SPG21: variants seen among roughly 807,000 people sequenced by gnomAD.
SPG21 encodes the protein maspardin.
In SPG21, 26 loss-of-function variants were observed where a neutral mutation model predicts 38.9. That is an observed-to-expected ratio of 0.67 (90% CI 0.49 to 0.93). The LOEUF is 0.93. SPG21 is among the 40% of genes least tolerant of loss of function. The pLI is 0.00. For synonymous variants in SPG21, 136 were observed against 128.9 expected (o/e 1.05, Z -0.37); for missense variants, 333 against 376.5 (o/e 0.88, Z 0.96).
Position 64,989,704 on chromosome 15 carries a change from A to T in SPG21, c.-64T>A, listed in dbSNP as rs1051121435. On this transcript the variant is annotated 5_prime_UTR_variant, in exon 1 of 9. Coordinates refer to ENST00000204566, the MANE Select transcript of SPG21 (RefSeq NM_016630.7). ...CCCACGTCCCTTCCCCTCCTTCAGG[A>T]GGCCGCTCTTCGCTCCAGTACGAGC... 6.6e-6 allele frequency: 1 copy of T among 152,604 alleles called. No homozygotes were observed. Among genetic ancestry groups the T allele is most frequent in the African/African-American group, 2.4e-5 (1 of 41,460 alleles). 9.5% of individuals were successfully genotyped at this position (152,604 alleles called of 1,614,324 possible). A position where few individuals can be genotyped will look rare whatever the true frequency, so the allele number is the denominator to read the frequency against.
intron 2 of SPG21, chr15:64,981,292 T>A: frequency 1.1e-5 from 3 of 262,612 alleles, no homozygotes; most frequent in African/African-American, 2.3e-5. Flanking sequence ...CCTCCTCCTT[T>A]TTTTTTTTTT....
Position 64,965,359 on chromosome 15 carries a change from T to C in SPG21, c.771A>G (p.Pro257=). 3 of 1,614,178 alleles carry C rather than the reference T, an allele frequency of 1.9e-6. No homozygotes were observed. Among genetic ancestry groups the C allele is most frequent in the Non-Finnish European group, 2.5e-6 (3 of 1,180,052 alleles). Residue 257 remains proline (P), a synonymous_variant, in exon 8 of 9, where the codon CCA becomes CCG. Transcript: ENST00000204566. The part of the protein sequence containing the change: ...RAHLKTGGNF[P]YLCRSAEVNL... ...TGACCTCTGCACTTCTGCACAGGTA[T>C]GGGAAATTGCCTCCTGTTTTCAGAT...
intron 1 of SPG21, chr15:64,988,943 C>T (rs2140460763): frequency 6.8e-6 from 1 of 147,444 alleles, no homozygotes; most frequent in East Asian, 2.0e-4. Flanking sequence ...GATGGCGCCA[C>T]TGCACTCCAG....
intron 2 of SPG21, 189 bp downstream of exon 2, chr15:64,983,316 TCA>T: frequency 2.2e-6 from 1 of 447,990 alleles, no homozygotes; most frequent in Non-Finnish European, 4.1e-6. Context: ...ACACTTGCTT[TCA>T]CTCTAAAATG....
Position 64,965,334 on chromosome 15 carries a change from T to G in SPG21, c.796A>C (p.Asn266His). The G allele has an allele frequency of 6.2e-7, 1 of 1,614,216 alleles. No individual in the cohort carries two copies. Among genetic ancestry groups the G allele is most frequent in the Non-Finnish European group, 8.5e-7 (1 of 1,180,034 alleles). Residue 266 changes from asparagine (N) to histidine (H), a missense_variant, in exon 8 of 9, where the codon AAT becomes CAT. Transcript: ENST00000204566. ...FPYLCRSAEV[N>H]LYVQIHLLQF... ...CTAGGCCTTACCTGTACATAAAGAT[T>G]GACCTCTGCACTTCTGCACAGGTAT... is the stretch of plus-strand genomic sequence containing the variant.
Position 64,974,630 on chromosome 15 carries a change from T to G in SPG21, c.424A>C (p.Ile142Leu), listed in dbSNP as rs768055884. 4.3e-6 allele frequency: 7 copies of G among 1,614,076 alleles called. No homozygotes were observed. Among genetic ancestry groups the G allele is most frequent in the Non-Finnish European group, 5.9e-6 (7 of 1,180,046 alleles). Reference sequence around the variant, plus strand: ...TTTGCAGTCCAAGTTTGGTTGAAGATAGAGGTGTCACTGAAGGAATTGCAG... The same window carrying G: ...TTTGCAGTCCAAGTTTGGTTGAAGAGAGAGGTGTCACTGAAGGAATTGCAG... ...ILCNSFSDTSIFNQTWTANSF... is the reference protein window; with the variant it reads ...ILCNSFSDTSLFNQTWTANSF... The change falls in exon 5 of 9, where the codon ATC becomes CTC. Residue 142 changes from isoleucine (I) to leucine (L), a missense_variant. By Grantham distance (5) the Ile-to-Leu change is conservative (BLOSUM62 2). Transcript: ENST00000204566.
At chr15:64,983,289 T>TA (rs71447830) in intron 2 of SPG21, 3 of 279,372 alleles carry the variant, frequency 1.1e-5, no homozygotes, top group Non-Finnish European at 2.1e-5. Flanking sequence ...AATAAATAAA[T>TA]AAAAATGAGT....
intron 1 of SPG21, among the ~76,000 whole-genome samples, chr15:64,985,066 A>G (rs1227847418): frequency 1.3e-5 from 2 of 152,208 alleles, no homozygotes; most frequent in African/African-American, 4.8e-5. Context: ...AGTTCTTAAT[A>G]CAAAATACAG....
chr15:64,973,894 A>C (rs2085722456), intron 5 of SPG21, among the ~76,000 whole-genome samples: 1 of 152,258 alleles, frequency 6.6e-6, no homozygotes, highest in African/African-American at 2.4e-5. Flanking sequence ...GAAAAAACCC[A>C]GTAATTTGTA....
intron 5 of SPG21, among the ~76,000 whole-genome samples, chr15:64,970,658 C>A (rs1566925739): frequency 6.6e-6 from 1 of 152,144 alleles, no homozygotes; most frequent in Non-Finnish European, 1.5e-5. Context: ...AGCTATTGCA[C>A]CTCCCCAAAT....
chr15:64,976,716 T>A (rs1458527041), intron 3 of SPG21, among the ~76,000 whole-genome samples, 161 bp from the exon 4 acceptor site: 1 of 152,200 alleles, frequency 6.6e-6, no homozygotes, highest in Non-Finnish European at 1.5e-5. Context: ...TTTACTAAAC[T>A]TCATATTTCA....
chr15:64,974,736 A>G lies in SPG21; in HGVS notation c.318T>C (p.Phe106=), dbSNP rs147236778. Residue 106 remains phenylalanine (F), a synonymous_variant, in exon 5 of 9, where the codon TTT becomes TTC. Transcript: ENST00000204566. ...DHLQLDKVHL[F]GASLGGFLAQ... ...CCAAAAAGCCTCCCAAAGAAGCGCCAAAAAGATGAACCTAATTATAAACAA... is the reference window on the plus strand; with the variant it reads ...CCAAAAAGCCTCCCAAAGAAGCGCCGAAAAGATGAACCTAATTATAAACAA... 6.2e-4 allele frequency: 995 copies of G among 1,614,180 alleles called. 9 individuals carry two copies. In the African/African-American group the frequency reaches 0.012, roughly 20 times the overall value.
At position 64,976,641 on chromosome 15, in the gene SPG21, C is replaced by G. The variant is rs4776255; in HGVS notation, c.226-86G>C. The G allele has an allele frequency of 1, 989,593 of 992,710 alleles. 493,297 individuals are homozygous for G. The highest frequency in any genetic ancestry group is 1 in the East Asian group (38,240 of 38,240). 61.5% of individuals were successfully genotyped at this position (992,710 alleles called of 1,614,324 possible). On this transcript the variant is annotated intron_variant, in intron 3 of 8. Coordinates refer to ENST00000204566, the MANE Select transcript of SPG21 (RefSeq NM_016630.7). ...ATTTGAAAAACTTAGGACTCAAACACTGACATTTCTCGTTTGCTCAAGCGC... is the reference window on the plus strand; with the variant it reads ...ATTTGAAAAACTTAGGACTCAAACAGTGACATTTCTCGTTTGCTCAAGCGC...
At chr15:64,980,695 G>A (rs912297357) in intron 3 of SPG21, among the ~76,000 whole-genome samples, 169 bp downstream of exon 3, 5 of 151,690 alleles carry the variant, frequency 3.3e-5, no homozygotes, top group Non-Finnish European at 4.4e-5. Context: ...CAGAGATCAC[G>A]CCACTGCACT....
At chr15:64,968,728 T>C (rs1033472227) in intron 7 of SPG21, among the ~76,000 whole-genome samples, 3 of 152,094 alleles carry the variant, frequency 2.0e-5, no homozygotes, top group African/African-American at 4.8e-5. Context: ...AAGCAAGCTT[T>C]TGTGGTAATT....
At chr15:64,975,661 G>C (rs2140429708) in intron 4 of SPG21, among the ~76,000 whole-genome samples, 1 of 152,208 alleles carries the variant, frequency 6.6e-6, no homozygotes, top group East Asian at 1.9e-4. Context: ...ACTTGTACAT[G>C]AATGTTCATG....
rs1230110211 is a variant in SPG21 at position 64,976,306 on chromosome 15, T to TTTTGGAGA, written c.306+168_306+169insTCTCCAAA. On this transcript the variant is annotated intron_variant, in intron 4 of 8. Coordinates refer to ENST00000204566, the MANE Select transcript of SPG21 (RefSeq NM_016630.7). ...CGGGCATGGTGGCACACGCCTGTAA[T>TTTTGGAGA]CCCAGCTATTTTGGAGACTGAGGCA... Among the ~76,000 whole-genome samples the TTTTGGAGA allele has an allele frequency of 2.6e-5, 4 of 152,240 alleles. No individual in the cohort carries two copies. The East Asian group carries it at 7.7e-4, about 29-fold the overall frequency.
intron 1 of SPG21, among the ~76,000 whole-genome samples, chr15:64,986,131 G>A (rs2140453974): frequency 6.6e-6 from 1 of 152,310 alleles, no homozygotes; most frequent in South Asian, 2.1e-4. Flanking sequence ...ATTTTGGGAG[G>A]CTGAGGCAGG....
At chr15:64,980,368 C>T (rs1238770238) in intron 3 of SPG21, among the ~76,000 whole-genome samples, 1 of 152,116 alleles carries the variant, frequency 6.6e-6, no homozygotes, top group Non-Finnish European at 1.5e-5. Context: ...TCTGTGTGAC[C>T]GTGGACTCAC....
Sources: gnomAD v4.1 joint callset for allele counts (sites outside exome capture counted in the v4.1 genomes callset) on GRCh38, gnomAD v4.1.1 for gene constraint, MANE v1.5 for transcripts, NCBI Gene and HGNC (gene_info 2026-07-23, HGNC 2026-07-21) for gene names.